Variants in SLC15A5 observed in about 807,000 individuals in gnomAD.
The protein encoded by SLC15A5 is solute carrier family 15 member 5.
Under a neutral mutation model 56.1 loss-of-function variants are expected in SLC15A5, and 58 were observed. That is an observed-to-expected ratio of 1.03 (90% CI 0.84 to 1.29). The LOEUF (loss-of-function observed/expected upper bound fraction) is 1.29. Ranked by LOEUF, SLC15A5 falls within the 50% of genes most tolerant of loss-of-function variation. SLC15A5 has a pLI of 0.00. For synonymous variants in SLC15A5, 264 were observed against 250.5 expected, an observed-to-expected ratio of 1.05 and a Z score of -0.51; for missense variants, 681 against 672.1, an observed-to-expected ratio of 1.01 and a Z score of -0.15.
chr12:16,262,607 C>G (rs997560474), intron 2 of SLC15A5, among the ~76,000 whole-genome samples: 3 of 152,182 alleles, frequency 2.0e-5, no homozygotes, highest in Non-Finnish European at 1.5e-5. Context: ...ACCCTGATTT[C>G]AGGAACAAAA....
Position 16,274,095 on chromosome 12 carries a change from T to G in SLC15A5, c.362-1312A>C, listed in dbSNP as rs76675576. On this transcript the variant is annotated intron_variant, in intron 1 of 8. Transcript: ENST00000344941. ...CATGATTTCTAGTGATGATGTGATATTCTAATCATAATGTGTTTTAAAATA... is the reference window on the plus strand; with the variant it reads ...CATGATTTCTAGTGATGATGTGATAGTCTAATCATAATGTGTTTTAAAATA... Among the ~76,000 whole-genome samples the G allele has an allele frequency of 2.6e-3, 396 of 152,032 alleles. 8 individuals are homozygous for G. In the East Asian group the frequency reaches 0.045, roughly 17 times the overall value.
At chr12:16,202,338 A>G (rs1011024566) in intron 7 of SLC15A5, among the ~76,000 whole-genome samples, 9 of 152,316 alleles carry the variant, frequency 5.9e-5, no homozygotes, top group African/African-American at 1.9e-4. Context: ...GCCAACAGGT[A>G]TATAAAAAAC....
intron 7 of SLC15A5, among the ~76,000 whole-genome samples, chr12:16,195,511 G>T (rs1349147659): frequency 1.3e-5 from 2 of 151,956 alleles, no homozygotes; most frequent in Non-Finnish European, 1.5e-5. Flanking sequence ...TTTTTTTACT[G>T]TTATGCATTA....
intron 7 of SLC15A5, among the ~76,000 whole-genome samples, chr12:16,204,920 A>C (rs1369445588): frequency 6.6e-6 from 1 of 152,188 alleles, no homozygotes; most frequent in Non-Finnish European, 1.5e-5. Flanking sequence ...AATGAAATTA[A>C]TCATAATGAA....
chr12:16,207,416 A>G (rs770860974), intron 7 of SLC15A5, among the ~76,000 whole-genome samples: 10 of 150,454 alleles, frequency 6.6e-5, no homozygotes, highest in Non-Finnish European at 1.2e-4. Context: ...TCTTTTGCAT[A>G]TTTGGAGGAA....
chr12:16,191,672 C>T (rs148512767), intron 8 of SLC15A5, among the ~76,000 whole-genome samples: 9 of 152,150 alleles, frequency 5.9e-5, no homozygotes, highest in East Asian at 5.8e-4. Context: ...CGGAATCATG[C>T]GCTCCTCACT....
At chr12:16,222,261 A>G (rs1163064965) in intron 6 of SLC15A5, among the ~76,000 whole-genome samples, 1 of 152,208 alleles carries the variant, frequency 6.6e-6, no homozygotes, top group Non-Finnish European at 1.5e-5. Context: ...CCAACGTCAC[A>G]GAGTTAGTCA....
In SLC15A5 at chr12:16,218,576, C is replaced by T. The variant is rs202139878; in HGVS notation, c.1352-1552G>A. Among the ~76,000 whole-genome samples the T allele has an allele frequency of 7.9e-5, 12 of 152,210 alleles. No homozygotes were observed. In the East Asian group the frequency reaches 2.3e-3, roughly 29 times the overall value. On this transcript the variant is annotated intron_variant, in intron 6 of 8. Transcript: ENST00000344941. ...ACTCCTAGGCAACGAATCTGTACAG[C>T]GTGTGACTGTACTGAATACTGTTGG...
intron 1 of SLC15A5, among the ~76,000 whole-genome samples, chr12:16,276,839 A>T (rs1306796919): frequency 6.6e-6 from 1 of 152,066 alleles, no homozygotes; most frequent in Non-Finnish European, 1.5e-5. Context: ...AAAAATATAG[A>T]AATCATGCCA....
At chr12:16,212,285 T>C (rs192443506) in intron 7 of SLC15A5, among the ~76,000 whole-genome samples, 8 of 152,238 alleles carry the variant, frequency 5.3e-5, no homozygotes, top group Admixed American at 1.3e-4. Context: ...TATTCTCTCA[T>C]CCTGTCTGAG....
At chr12:16,199,304 C>CAAAA (rs10687463) in intron 7 of SLC15A5, among the ~76,000 whole-genome samples, 71 of 91,280 alleles carry the variant, frequency 7.8e-4, no homozygotes, top group African/African-American at 1.5e-3. Flanking sequence ...TAGACTGTCT[C>CAAAA]AAAAAAAAAA....
Position 16,277,481 on chromosome 12 carries a change from T to A in SLC15A5, c.205A>T (p.Thr69Ser). 1 of 1,536,572 alleles carries A rather than the reference T, an allele frequency of 6.5e-7. No homozygotes were observed. Among genetic ancestry groups the A allele is most frequent in the Middle Eastern group, 1.7e-4 (1 of 5,978 alleles). Residue 69 changes from threonine to serine, a missense_variant, in exon 1 of 9, where the codon ACT (threonine) becomes TCT (serine). Physicochemically the swap from Thr to Ser is moderately conservative, Grantham distance 58. Coordinates refer to ENST00000344941, the MANE Select transcript of SLC15A5 (RefSeq NM_001170798.1). ...CAATTGTGATAGCCAAGCTTGATAG[T>A]GCAAAAGGGGATCATGTTGCAGACG... ...EVVCNMIPFC[T>S]IKLGYHNCQA...
At chr12:16,195,745 T>C (rs538748876) in intron 7 of SLC15A5, among the ~76,000 whole-genome samples, 5 of 152,196 alleles carry the variant, frequency 3.3e-5, no homozygotes, top group African/African-American at 9.6e-5. Flanking sequence ...CCCTTGACAA[T>C]GCATACTTAT....
intron 5 of SLC15A5, among the ~76,000 whole-genome samples, chr12:16,238,543 T>C (rs1864375298): frequency 6.9e-6 from 1 of 145,296 alleles, no homozygotes; most frequent in Non-Finnish European, 1.5e-5. Flanking sequence ...GGCAGGAGAA[T>C]GGCGTGAACC....
intron 1 of SLC15A5, among the ~76,000 whole-genome samples, chr12:16,276,836 T>C (rs183614049): frequency 1.3e-5 from 2 of 152,036 alleles, no homozygotes; most frequent in African/African-American, 4.8e-5. Context: ...GTTAAAAATA[T>C]AGAAATCATG....
At chr12:16,217,429 A>G (rs774155564) in intron 6 of SLC15A5, among the ~76,000 whole-genome samples, 1 of 152,198 alleles carries the variant, frequency 6.6e-6, no homozygotes, top group Non-Finnish European at 1.5e-5. Context: ...CTTGTATTAT[A>G]TAAAATTTGC....
In SLC15A5 at chr12:16,232,057, G is replaced by A. The variant is rs1049039745; in HGVS notation, c.1163-7455C>T. Among the ~76,000 whole-genome samples, 5 of 152,252 alleles carry A rather than the reference G, an allele frequency of 3.3e-5. No individual in the cohort carries two copies. In the East Asian group the frequency reaches 9.7e-4, roughly 29 times the overall value. ...AATACTATTATTTTACAATCTATAA[G>A]AATAGATATCCCAAGATCACCAGAC... is the stretch of plus-strand genomic sequence containing the variant. On this transcript the variant is annotated intron_variant, in intron 5 of 8. Coordinates refer to ENST00000344941, the MANE Select transcript of SLC15A5 (RefSeq NM_001170798.1).
At chr12:16,218,542 T>C (rs1864153790) in intron 6 of SLC15A5, among the ~76,000 whole-genome samples, 2 of 152,160 alleles carry the variant, frequency 1.3e-5, no homozygotes, top group Non-Finnish European at 1.5e-5. Flanking sequence ...GCTATATGGG[T>C]AGCCCATCAC....
chr12:16,230,754 A>C (rs1864288195), intron 5 of SLC15A5, among the ~76,000 whole-genome samples: 1 of 86,042 alleles, frequency 1.2e-5, no homozygotes, highest in Non-Finnish European at 2.5e-5. Context: ...TCTACTAAAA[A>C]TACAAAAAAA....
Sources: allele counts gnomAD v4.1 joint callset (sites outside exome capture counted in the v4.1 genomes callset), GRCh38; gene constraint gnomAD v4.1.1; transcripts MANE v1.5; gene names NCBI Gene and HGNC (gene_info 2026-07-23, HGNC 2026-07-21).